The following H2BC4 variants were observed in gnomAD, a reference collection of about 807,000 sequenced individuals.
H2BC4 encodes histone H2B type 1-C/E/F/G/I.
In H2BC4, 10 loss-of-function variants were observed where a neutral mutation model predicts 6.2. The observed-to-expected ratio is 1.61, with a 90% confidence interval of 0.99 to 2.73. The LOEUF (loss-of-function observed/expected upper bound fraction) is 2.73, where lower values mean the gene tolerates loss of function less well. Among genes scored for constraint, H2BC4 ranks in the 30% most tolerant of loss-of-function variants. The pLI, the probability that H2BC4 is intolerant of heterozygous loss-of-function variation, is 0.00. For synonymous variants in H2BC4, 146 were observed against 70.7 expected (o/e 2.07, Z -5.35); for missense variants, 176 against 168.7 (o/e 1.04, Z -0.24).
At chr6:26,123,059 G>A (rs1282577715), downstream of H2BC4, among the ~76,000 whole-genome samples, 1 of 152,170 alleles carries the variant, frequency 6.6e-6, no homozygotes, top group Non-Finnish European at 1.5e-5. Flanking sequence ...ACTCCGGTCC[G>A]CTATGTAAAT....
At chr6:26,119,745 T>G (rs2113795991), downstream of H2BC4, among the ~76,000 whole-genome samples, 1 of 152,004 alleles carries the variant, frequency 6.6e-6, no homozygotes, top group Non-Finnish European at 1.5e-5. Flanking sequence ...TCTGCTAATA[T>G]TATTTTTACA....
At chr6:26,119,460 A>C (rs1408634056), downstream of H2BC4, among the ~76,000 whole-genome samples, 2 of 152,222 alleles carry the variant, frequency 1.3e-5, no homozygotes, top group African/African-American at 4.8e-5. Context: ...CTAAATTCTT[A>C]AAGTTATCAT....
chr6:26,116,537 T>C (rs1299078232), intron 1 of H2BC4, among the ~76,000 whole-genome samples: 1 of 151,850 alleles, frequency 6.6e-6, no homozygotes, highest in Non-Finnish European at 1.5e-5. Context: ...TACAAAAAAC[T>C]TTTTAAAAAA....
downstream of H2BC4, among the ~76,000 whole-genome samples, chr6:26,113,901 A>T (rs1201168339): frequency 6.6e-6 from 1 of 151,250 alleles, no homozygotes; most frequent in Non-Finnish European, 1.5e-5. Flanking sequence ...TTTAATTTGG[A>T]AGACCAAGTG....
intron 1 of H2BC4, among the ~76,000 whole-genome samples, chr6:26,118,209 CA>C (rs5875087): frequency 0.87 from 131,089 of 151,542 alleles, 56,727 homozygotes; most frequent in East Asian, 0.97. Flanking sequence ...AGAAGTAGGG[CA>C]AAAAAAAAAG....
At chr6:26,121,214 G>C (rs986117520), downstream of H2BC4, among the ~76,000 whole-genome samples, 1 of 152,042 alleles carries the variant, frequency 6.6e-6, no homozygotes, top group Non-Finnish European at 1.5e-5. Flanking sequence ...CCCAAAAAAA[G>C]GTTAATAAAT....
At chr6:26,116,141 T>C (rs1763416303) in intron 1 of H2BC4, among the ~76,000 whole-genome samples, 1 of 152,158 alleles carries the variant, frequency 6.6e-6, no homozygotes, top group Non-Finnish European at 1.5e-5. Context: ...GTGATGAGGA[T>C]AAGGTTTTAC....
At chr6:26,118,594 T>C (rs1229043417), downstream of H2BC4, among the ~76,000 whole-genome samples, 1 of 152,138 alleles carries the variant, frequency 6.6e-6, no homozygotes, top group Non-Finnish European at 1.5e-5. Flanking sequence ...GAAAGACAGA[T>C]AATGGAGAAA....
chr6:26,120,461 AAGAT>A (rs1040629213), downstream of H2BC4, among the ~76,000 whole-genome samples: 3 of 152,176 alleles, frequency 2.0e-5, no homozygotes, highest in South Asian at 2.1e-4. Context: ...AAAAAAAAAA[AAGAT>A]AGTCTCAATC....
downstream of H2BC4, among the ~76,000 whole-genome samples, chr6:26,118,805 T>C (rs1344445493): frequency 6.6e-6 from 1 of 152,220 alleles, no homozygotes; most frequent in Non-Finnish European, 1.5e-5. Flanking sequence ...GAAGCACATA[T>C]CCATCTGCTC....
downstream of H2BC4, chr6:26,123,222 C>A: frequency 6.8e-6 from 3 of 439,994 alleles, no homozygotes; most frequent in Non-Finnish European, 1.2e-5. Flanking sequence ...GAAACCTAAG[C>A]GAGCCTGCGG....
At chr6:26,117,565 C>G (rs1435590436) in intron 1 of H2BC4, among the ~76,000 whole-genome samples, 4 of 152,180 alleles carry the variant, frequency 2.6e-5, no homozygotes, top group Admixed American at 6.5e-5. Context: ...ACGTCTGGAA[C>G]TAGTGTTCTA....
downstream of H2BC4, among the ~76,000 whole-genome samples, chr6:26,114,300 G>A (rs60610590): frequency 7.8e-3 from 1,187 of 152,242 alleles, 17 homozygotes; most frequent in African/African-American, 0.026. Context: ...TCATTTTGCA[G>A]TGCAGTTTAT....
downstream of H2BC4, chr6:26,123,305 C>A (rs979770848): frequency 2.4e-6 from 2 of 831,700 alleles, no homozygotes; most frequent in Non-Finnish European, 3.6e-6. Flanking sequence ...ACGAATTGAC[C>A]CCAAAGCCAT....
chr6:26,115,805 T>C (rs1763410157), intron 1 of H2BC4, among the ~76,000 whole-genome samples: 2 of 152,220 alleles, frequency 1.3e-5, no homozygotes, highest in Non-Finnish European at 2.9e-5. Flanking sequence ...AAAATATATT[T>C]ATTTCAGTGC....
chr6:26,123,419 C>T (rs1763539897), downstream of H2BC4: 1 of 1,542,728 alleles, frequency 6.5e-7, no homozygotes, highest in Non-Finnish European at 8.7e-7. Flanking sequence ...TACCCCTCCG[C>T]CGCCAAATAA....
At chr6:26,114,516 C>T (rs977368231), downstream of H2BC4, among the ~76,000 whole-genome samples, 4 of 152,146 alleles carry the variant, frequency 2.6e-5, no homozygotes, top group African/African-American at 7.2e-5. Context: ...TCCTGAATAG[C>T]AATTTGGCAA....
downstream of H2BC4, among the ~76,000 whole-genome samples, chr6:26,122,715 T>C (rs760959092): frequency 1.3e-5 from 2 of 152,226 alleles, no homozygotes; most frequent in Non-Finnish European, 2.9e-5. Context: ...GTCTGCATGT[T>C]ACAAGCCCCC....
Position 26,123,481 on chromosome 6 carries a change from A to G in H2BC4, c.*43T>C, listed in dbSNP as rs563473258. On this transcript the variant is annotated 3_prime_UTR_variant, in exon 1 of 1. Transcript: ENST00000396984. ...TAGTGGGTATCTGGGTGGCTCTTAA[A>G]AGAGCCTTTGGGGTTAGGTGTTAAG... The G allele has an allele frequency of 6.2e-7, 1 of 1,611,354 alleles. No individual in the cohort carries two copies. The highest frequency in any genetic ancestry group is 8.5e-7 in the Non-Finnish European group (1 of 1,179,088).
Sources: allele counts gnomAD v4.1 joint callset (sites outside exome capture counted in the v4.1 genomes callset), GRCh38; gene constraint gnomAD v4.1.1; transcripts MANE v1.5; gene names NCBI Gene and HGNC (gene_info 2026-07-23, HGNC 2026-07-21).